Variants in CFAP97D2 observed in about 807,000 individuals in gnomAD.
CFAP97D2 encodes uncharacterized protein CFAP97D2.
At chr13:114,208,298 G>A (rs766415291) in intron 3 of CFAP97D2, among the ~76,000 whole-genome samples, 15 of 152,272 alleles carry the variant, frequency 9.9e-5, no homozygotes, top group Middle Eastern at 3.4e-3. Flanking sequence ...TTTCAAATAC[G>A]GATTTCTTTA....
At chr13:114,181,958 T>TTA (rs1158545895) in intron 1 of CFAP97D2, among the ~76,000 whole-genome samples, 1 of 151,882 alleles carries the variant, frequency 6.6e-6, no homozygotes, top group African/African-American at 2.4e-5. Flanking sequence ...TCTAGTCGGG[T>TTA]GGGACGAGAG....
chr13:114,191,089 T>C (rs940473803), intron 1 of CFAP97D2, among the ~76,000 whole-genome samples: 4 of 152,002 alleles, frequency 2.6e-5, no homozygotes, highest in Non-Finnish European at 5.9e-5. Context: ...AAATGGATCA[T>C]AGACATAAAT....
At chr13:114,183,116 CT>C (rs1409946322) in intron 1 of CFAP97D2, among the ~76,000 whole-genome samples, 2 of 152,168 alleles carry the variant, frequency 1.3e-5, no homozygotes, top group South Asian at 2.1e-4. Flanking sequence ...GTTAAAACCC[CT>C]GTCTCAGTCC....
At chr13:114,196,342 G>C (rs925116899) in intron 1 of CFAP97D2, 54 bp from the exon 2 acceptor site, 2 of 399,448 alleles carry the variant, frequency 5.0e-6, no homozygotes, top group African/African-American at 2.1e-5. Flanking sequence ...CACAATCTGA[G>C]CTCACTCTGT....
rs1159153053 is a variant in CFAP97D2, at chr13:114,207,505, C to G, written c.291-4407C>G. 6.6e-6 allele frequency among the ~76,000 whole-genome samples: 1 copy of G among 152,084 alleles called. No homozygotes were observed. The highest frequency in any genetic ancestry group is 1.5e-5 in the Non-Finnish European group (1 of 68,032). The stretch of plus-strand genomic sequence containing the variant: ...TTCATAAGGAACACGCAGCTTAGAT[C>G]TCTCGAACGTGCAGTTCACAATAGG... On this transcript the variant is annotated intron_variant, in intron 3 of 4. Transcript: ENST00000646158. The surrounding 1 kb of genome is among the most constrained non-coding windows in gnomAD (Gnocchi z 4.9).
chr13:114,182,444 A>T (rs58057018), intron 1 of CFAP97D2, among the ~76,000 whole-genome samples: 1,735 of 151,938 alleles, frequency 0.011, 96 homozygotes, highest in Admixed American at 0.08. Context: ...TCTCAACTGC[A>T]AGAGGCCTTC....
At chr13:114,204,379 T>C (rs2080930620) in intron 3 of CFAP97D2, among the ~76,000 whole-genome samples, 1 of 152,218 alleles carries the variant, frequency 6.6e-6, no homozygotes, top group Non-Finnish European at 1.5e-5. Context: ...GCTTACCTGC[T>C]TTATCTCTTT....
chr13:114,198,545 A>G (rs2080897723), intron 2 of CFAP97D2, among the ~76,000 whole-genome samples: 1 of 152,244 alleles, frequency 6.6e-6, no homozygotes, highest in Admixed American at 6.5e-5. Context: ...TAATTTTACA[A>G]GATAGTGCCT....
chr13:114,210,639 C>T (rs2080962517), intron 3 of CFAP97D2, among the ~76,000 whole-genome samples: 1 of 152,050 alleles, frequency 6.6e-6, no homozygotes, highest in Non-Finnish European at 1.5e-5. Flanking sequence ...TGCCCAGCAC[C>T]ACTTCGATGC....
At chr13:114,214,664 G>T (rs1381172105) in intron 4 of CFAP97D2, among the ~76,000 whole-genome samples, 2 of 152,136 alleles carry the variant, frequency 1.3e-5, no homozygotes, top group Non-Finnish European at 2.9e-5. Flanking sequence ...TTGGCTCACT[G>T]CAACTTCTGC....
At chr13:114,183,004 C>A (rs946156420) in intron 1 of CFAP97D2, among the ~76,000 whole-genome samples, 2 of 152,146 alleles carry the variant, frequency 1.3e-5, no homozygotes, top group Non-Finnish European at 2.9e-5. Flanking sequence ...TCTCCAGAAA[C>A]TCCTTTTTCC....
intron 1 of CFAP97D2, among the ~76,000 whole-genome samples, chr13:114,194,424 G>A (rs561246512): frequency 3.7e-4 from 57 of 152,298 alleles, no homozygotes; most frequent in Admixed American, 5.9e-4. Context: ...ATAGCAAATT[G>A]CAGGGAGAAA....
chr13:114,219,386 CTATTGAGTTTT>C (rs1373242271), intron 4 of CFAP97D2, among the ~76,000 whole-genome samples: 2 of 152,098 alleles, frequency 1.3e-5, no homozygotes, highest in Non-Finnish European at 2.9e-5. Context: ...TATATTAATA[CTATTGAGTTTT>C]TCCTCAGCAA....
At chr13:114,198,318 C>T (rs1190834424) in intron 2 of CFAP97D2, among the ~76,000 whole-genome samples, 1 of 152,200 alleles carries the variant, frequency 6.6e-6, no homozygotes, top group African/African-American at 2.4e-5. Flanking sequence ...GCCTGTTAAG[C>T]AGTGGTGTTA....
chr13:114,201,687 G>T (rs948137939), intron 3 of CFAP97D2, among the ~76,000 whole-genome samples: 1 of 152,204 alleles, frequency 6.6e-6, no homozygotes, highest in Non-Finnish European at 1.5e-5. Flanking sequence ...GACACTTGCC[G>T]AGTTAATGCA....
In CFAP97D2 at chr13:114,189,155, G is replaced by T. The variant is rs2080860896; in HGVS notation, c.91-7241G>T. Among the ~76,000 whole-genome samples the T allele has an allele frequency of 6.6e-6, 1 of 151,144 alleles. No individual in the cohort carries two copies. The highest frequency in any genetic ancestry group is 6.6e-5 in the Admixed American group (1 of 15,134). Reference sequence around the variant, plus strand: ...TGATCATCAAGAAAGGAAAAAAGGAGCATCACTACAATCCCTAGGATATTA... The same window carrying T: ...TGATCATCAAGAAAGGAAAAAAGGATCATCACTACAATCCCTAGGATATTA... On this transcript the variant is annotated intron_variant, in intron 1 of 4. Transcript: ENST00000646158. The surrounding 1 kb of genome is among the most constrained non-coding windows in gnomAD (Gnocchi z 4.5).
At chr13:114,201,621 T>C (rs77714406) in intron 3 of CFAP97D2, among the ~76,000 whole-genome samples, 2,521 of 152,260 alleles carry the variant, frequency 0.017, 45 homozygotes, top group African/African-American at 0.044. Context: ...ATGCATCAGT[T>C]TGGGGCTTGA....
At chr13:114,196,434 G>A (rs188895986) in exon 2 of CFAP97D2, 168 of 399,628 alleles carry the variant, frequency 4.2e-4, no homozygotes, top group Middle Eastern at 1.9e-3. Context: ...CCCGCGCCCC[G>A]CTGACGTTCC....
At chr13:114,221,537 C>T (rs2081022175) in intron 4 of CFAP97D2, among the ~76,000 whole-genome samples, 1 of 152,182 alleles carries the variant, frequency 6.6e-6, no homozygotes, top group Non-Finnish European at 1.5e-5. Flanking sequence ...CAAATGAAGA[C>T]CACAGTGAGA....
Sources: allele counts gnomAD v4.1 joint callset (sites outside exome capture counted in the v4.1 genomes callset), GRCh38; gene constraint gnomAD v4.1.1; non-coding constraint Gnocchi (gnomAD v3.1); transcripts MANE v1.5; gene names NCBI Gene and HGNC (gene_info 2026-07-23, HGNC 2026-07-21).